The following BRAF variants were observed in gnomAD, a reference collection of about 807,000 sequenced individuals.
BRAF encodes the protein B-Raf proto-oncogene, serine/threonine kinase, also known as serine/threonine-protein kinase B-raf.
Under a neutral mutation model 104.6 loss-of-function variants are expected in BRAF, and 16 were observed. The ratio of observed to expected loss-of-function variants is 0.15; its 90% confidence interval spans 0.10 to 0.23. The LOEUF (loss-of-function observed/expected upper bound fraction) is 0.23, where lower values mean the gene tolerates loss of function less well. BRAF is among the 10% of genes least tolerant of loss of function. BRAF has a pLI of 1.00. For synonymous variants in BRAF, 310 were observed against 341.6 expected (o/e 0.91, Z 1.02); for missense variants, 541 against 937.3 (o/e 0.58, Z 5.52).
intron 1 of BRAF, among the ~76,000 whole-genome samples, chr7:140,920,724 A>C (rs578239177): frequency 6.6e-6 from 1 of 152,348 alleles, no homozygotes; most frequent in African/African-American, 2.4e-5. Flanking sequence ...ATAATATTCT[A>C]AACAGAAAAA....
At chr7:140,787,612 T>C (rs367819211) in intron 8 of BRAF, 28 bp from the exon 9 acceptor site, 1 of 1,595,816 alleles carries the variant, frequency 6.3e-7, no homozygotes, top group Non-Finnish European at 8.6e-7. Context: ...TGTATATTTA[T>C]TCCAAGCAAG....
chr7:140,844,302 G>A (rs1215109118), intron 2 of BRAF, among the ~76,000 whole-genome samples: 1 of 151,996 alleles, frequency 6.6e-6, no homozygotes, highest in East Asian at 1.9e-4. Context: ...ATTTCCAAGA[G>A]GTCTTTCTTG....
At chr7:140,780,036 T>C (rs941123171) in intron 12 of BRAF, 1 of 152,206 alleles carries the variant, frequency 6.6e-6, no homozygotes, top group Non-Finnish European at 1.5e-5. Context: ...ATCAAAGTAA[T>C]ACAGTGCTTA....
intron 19 of BRAF, chr7:140,730,755 C>T (rs1341347751): frequency 6.6e-6 from 1 of 151,332 alleles, no homozygotes; most frequent in South Asian, 2.1e-4. Flanking sequence ...TTTTAGACAC[C>T]TCAAATATCA....
Position 140,757,438 on chromosome 7 carries a change from C to T in BRAF, c.1815-3205G>A, listed in dbSNP as rs539026264. On this transcript the variant is annotated intron_variant, in intron 14 of 19. Coordinates refer to ENST00000644969, the MANE Select transcript of BRAF (RefSeq NM_001374258.1). ...CTGAGTAGCTGGGACTACAGGCGCG[C>T]GCCACCATGCCCAGCTAATTTTTGT... Among the ~76,000 whole-genome samples, 17 of 151,992 alleles carry T rather than the reference C, an allele frequency of 1.1e-4. No homozygotes were observed. The South Asian group carries it at 1.7e-3, about 15-fold the overall frequency.
chr7:140,825,421 A>G (rs1156239200), intron 3 of BRAF, among the ~76,000 whole-genome samples: 7 of 152,128 alleles, frequency 4.6e-5, no homozygotes. Flanking sequence ...ATTTTGATTA[A>G]CCCAATAAAC....
At chr7:140,781,490 T>A (rs546580958) in intron 12 of BRAF, 86 bp downstream of exon 11, 8 of 1,254,914 alleles carry the variant, frequency 6.4e-6, no homozygotes, top group Admixed American at 1.7e-5. Context: ...AGTGAATATT[T>A]CCTTTGATGA....
At chr7:140,756,150 T>C (rs552645868) in intron 14 of BRAF, among the ~76,000 whole-genome samples, 1 of 152,186 alleles carries the variant, frequency 6.6e-6, no homozygotes, top group African/African-American at 2.4e-5. Context: ...ATAAATGTAA[T>C]TGGGGAACCA....
intron 2 of BRAF, among the ~76,000 whole-genome samples, chr7:140,837,246 C>T (rs1807441755): frequency 6.6e-6 from 1 of 152,188 alleles, no homozygotes; most frequent in Non-Finnish European, 1.5e-5. Flanking sequence ...TTCCATTCTA[C>T]CTTTAAGACC....
downstream of BRAF, among the ~76,000 whole-genome samples, chr7:140,718,355 A>G (rs1396276013): frequency 6.6e-6 from 1 of 152,146 alleles, no homozygotes; most frequent in Non-Finnish European, 1.5e-5. Flanking sequence ...GGTTCAAGCG[A>G]TTCTCCTGCC....
intron 1 of BRAF, among the ~76,000 whole-genome samples, chr7:140,923,527 A>G (rs776415574): frequency 3.3e-5 from 5 of 152,196 alleles, no homozygotes; most frequent in Non-Finnish European, 7.3e-5. Context: ...ATAGGACAAA[A>G]AGGAGGACAA....
chr7:140,860,532 C>T (rs768240903), intron 1 of BRAF, among the ~76,000 whole-genome samples: 5 of 150,614 alleles, frequency 3.3e-5, no homozygotes, highest in African/African-American at 9.9e-5. Flanking sequence ...GTACTCCCAG[C>T]TAACAGAGGC....
chr7:140,713,802 CTGTT>C, the BRAF span, among the ~76,000 whole-genome samples: 5 of 152,070 alleles, frequency 3.3e-5, no homozygotes, highest in Admixed American at 6.6e-5. Context: ...GATGTCCTTT[CTGTT>C]TGTTAGTTTT....
chr7:140,902,341 T>C (rs996093350), intron 1 of BRAF, among the ~76,000 whole-genome samples: 2 of 152,246 alleles, frequency 1.3e-5, no homozygotes, highest in Admixed American at 1.3e-4. Flanking sequence ...ATGTTGTGTG[T>C]GTTCTCACTG....
rs184192594 is a variant in BRAF, at chr7:140,810,041, G to T, written c.505-1046C>A. On this transcript the variant is annotated intron_variant, in intron 3 of 19. Coordinates refer to ENST00000644969, the MANE Select transcript of BRAF (RefSeq NM_001374258.1). The stretch of plus-strand genomic sequence containing the variant: ...TTTATTGGGAGGTGTAAGAAGAAGG[G>T]GAAATGTTAGTTTGTAACAATAAGT... Among the ~76,000 whole-genome samples the T allele has an allele frequency of 3.4e-3, 511 of 152,180 alleles. 3 individuals carry two copies. The highest frequency in any genetic ancestry group is 6.8e-3 in the Middle Eastern group (2 of 294).
chr7:140,898,652 C>T (rs1815236146), intron 1 of BRAF, among the ~76,000 whole-genome samples: 1 of 152,194 alleles, frequency 6.6e-6, no homozygotes, highest in African/African-American at 2.4e-5. Context: ...TAAGAAATAG[C>T]ATTGCCAATT....
intron 3 of BRAF, among the ~76,000 whole-genome samples, chr7:140,813,580 C>T (rs1011401086): frequency 3.3e-5 from 5 of 152,128 alleles, no homozygotes. Flanking sequence ...CACTACAGTA[C>T]TGACTGTATA....
intron 8 of BRAF, among the ~76,000 whole-genome samples, chr7:140,793,814 A>T (rs1487050408): frequency 1.3e-5 from 2 of 152,090 alleles, no homozygotes; most frequent in African/African-American, 4.8e-5. Context: ...TTTGGTAGAG[A>T]TGGGGTCTCA....
chr7:140,812,104 A>AT, intron 3 of BRAF, among the ~76,000 whole-genome samples: 1 of 144,712 alleles, frequency 6.9e-6, no homozygotes, highest in South Asian at 2.2e-4. Flanking sequence ...TTTGTTTTTA[A>AT]TTTTTTACTT....
Sources: gnomAD v4.1 joint callset for allele counts (sites outside exome capture counted in the v4.1 genomes callset) on GRCh38, gnomAD v4.1.1 for gene constraint, MANE v1.5 for transcripts, NCBI Gene and HGNC (gene_info 2026-07-23, HGNC 2026-07-21) for gene names.